Variants in EXOC6B observed in about 807,000 individuals in gnomAD.
EXOC6B encodes the protein exocyst complex component 6B.
EXOC6B carries 54 observed loss-of-function variants against 113.5 expected under a neutral mutation model. That is an observed-to-expected ratio of 0.48 (90% CI 0.38 to 0.60). The LOEUF (loss-of-function observed/expected upper bound fraction) is 0.60, where lower values mean the gene tolerates loss of function less well. Ranked by LOEUF, EXOC6B falls within the 20% of genes least tolerant of loss-of-function variation. The probability of loss-of-function intolerance (pLI) is 0.00; values close to 1 mark genes in which losing one functional copy is unlikely to be tolerated. For missense variants in EXOC6B, 797 were observed against 977.5 expected (o/e 0.82, Z 2.46); for synonymous variants, 357 against 339.0 (o/e 1.05, Z -0.58).
intron 5 of EXOC6B, among the ~76,000 whole-genome samples, chr2:72,729,521 T>C (rs999117118): frequency 1.3e-4 from 20 of 151,910 alleles, no homozygotes; most frequent in African/African-American, 4.6e-4. Flanking sequence ...AGCTATCATG[T>C]GAGCCAATTC....
At chr2:72,631,424 G>GTATATATA (rs1672394123) in intron 6 of EXOC6B, among the ~76,000 whole-genome samples, 1 of 22,382 alleles carries the variant, frequency 4.5e-5, no homozygotes, top group South Asian at 1.7e-3. Flanking sequence ...GTGTGTGTGT[G>GTATATATA]TGTATATATA....
intron 8 of EXOC6B, among the ~76,000 whole-genome samples, chr2:72,555,656 C>T (rs921483016): frequency 6.6e-5 from 10 of 152,024 alleles, no homozygotes; most frequent in Non-Finnish European, 1.2e-4. Context: ...ACACAACTTT[C>T]AAGGGACAGA....
intron 18 of EXOC6B, among the ~76,000 whole-genome samples, chr2:72,412,957 T>C (rs548341699): frequency 6.6e-6 from 1 of 150,800 alleles, no homozygotes; most frequent in East Asian, 2.0e-4. Context: ...TCTCCCTCTC[T>C]CTTTCTTTCT....
intron 2 of EXOC6B, among the ~76,000 whole-genome samples, chr2:72,737,327 G>C (rs1259976463): frequency 6.6e-6 from 1 of 151,646 alleles, no homozygotes; most frequent in Non-Finnish European, 1.5e-5. Flanking sequence ...CTGGGCAACA[G>C]AGTGAGACTC....
At position 72,604,732 on chromosome 2, in the gene EXOC6B, T is replaced by C. The variant is rs191116418; in HGVS notation, c.670-29064A>G. On this transcript the variant is annotated intron_variant, in intron 6 of 21. Coordinates refer to ENST00000272427, the MANE Select transcript of EXOC6B (RefSeq NM_015189.3). ...TAAAATAATTTATTTCTGAGTCTGGTCCATACTATGATAGAGTTAGAGAAA... is the reference window on the plus strand; with the variant it reads ...TAAAATAATTTATTTCTGAGTCTGGCCCATACTATGATAGAGTTAGAGAAA... Among the ~76,000 whole-genome samples, 609 of 152,272 alleles carry C rather than the reference T, an allele frequency of 4.0e-3. 2 individuals carry two copies. Among genetic ancestry groups the C allele is most frequent in the African/African-American group, 0.014 (577 of 41,540 alleles).
chr2:72,293,513 T>C (rs538678691), intron 20 of EXOC6B, among the ~76,000 whole-genome samples: 2 of 152,278 alleles, frequency 1.3e-5, no homozygotes, highest in African/African-American at 4.8e-5. Flanking sequence ...AAAAATGAGA[T>C]AATTCCTAAG....
intron 1 of EXOC6B, among the ~76,000 whole-genome samples, chr2:72,794,786 T>C (rs1313796418): frequency 6.6e-6 from 1 of 151,660 alleles, no homozygotes; most frequent in Non-Finnish European, 1.5e-5. Context: ...GAAATAGAAG[T>C]AGGAAAGAAA....
intron 8 of EXOC6B, among the ~76,000 whole-genome samples, chr2:72,533,122 C>A (rs1158691834): frequency 1.3e-5 from 2 of 152,104 alleles, no homozygotes; most frequent in African/African-American, 4.8e-5. Flanking sequence ...TGGGAGGACC[C>A]AAATGCAGCC....
At chr2:72,785,483 G>A (rs1300812565) in intron 1 of EXOC6B, among the ~76,000 whole-genome samples, 8 of 152,256 alleles carry the variant, frequency 5.3e-5, no homozygotes, top group East Asian at 1.9e-4. Context: ...GCATCCAGGC[G>A]TTTCCACACA....
intron 15 of EXOC6B, 58 bp from the exon 16 acceptor site, chr2:72,492,487 A>G: frequency 9.9e-7 from 1 of 1,008,738 alleles, no homozygotes; most frequent in East Asian, 2.4e-5. Context: ...TTCGGCAAAC[A>G]AACGGTGCCA....
rs201934111 is a variant in EXOC6B, at chr2:72,660,819, C to CTTTT, written c.669+57280_669+57283dup. ...ATTACACAATTGGCACTAAGTTTAC[C>CTTTT]TTTTTTTTTTTTTTCCTTCTGGTAT... is the stretch of plus-strand genomic sequence containing the variant. On this transcript the variant is annotated intron_variant, in intron 6 of 21. Coordinates refer to ENST00000272427, the MANE Select transcript of EXOC6B (RefSeq NM_015189.3). 1.6e-3 allele frequency among the ~76,000 whole-genome samples: 234 copies of CTTTT among 144,070 alleles called. 1 individual carries two copies. The highest frequency in any genetic ancestry group is 2.7e-3 in the South Asian group (12 of 4,502). 94.5% of individuals were successfully genotyped at this position (144,070 alleles called of 152,430 possible).
intron 11 of EXOC6B, among the ~76,000 whole-genome samples, chr2:72,512,545 T>G (rs1441922644): frequency 6.6e-6 from 1 of 152,036 alleles, no homozygotes; most frequent in Non-Finnish European, 1.5e-5. Flanking sequence ...CAATAGATCA[T>G]GGGAACAGAA....
chr2:72,686,590 A>G (rs1234981863), intron 6 of EXOC6B, among the ~76,000 whole-genome samples: 1 of 152,212 alleles, frequency 6.6e-6, no homozygotes, highest in Non-Finnish European at 1.5e-5. Context: ...AGGCTTCTGT[A>G]TAACCATAAG....
rs568789367 is a variant in EXOC6B at position 72,448,709 on chromosome 2, C to T, written c.1980+16451G>A. Among the ~76,000 whole-genome samples, 4 of 152,116 alleles carry T rather than the reference C, an allele frequency of 2.6e-5. No homozygotes were observed. In the South Asian group the frequency reaches 8.3e-4, roughly 32 times the overall value. On this transcript the variant is annotated intron_variant, in intron 18 of 21. Transcript: ENST00000272427. ...AAAAAAAAACTCCCTTGGTTTGGAG[C>T]ATCTGGTTAAATCAATAATATCTTC...
At chr2:72,324,190 C>T (rs1412140024) in intron 20 of EXOC6B, among the ~76,000 whole-genome samples, 1 of 152,034 alleles carries the variant, frequency 6.6e-6, no homozygotes, top group Non-Finnish European at 1.5e-5. Context: ...ATAAACAGTA[C>T]TTCTTAATAG....
chr2:72,675,432 C>T (rs1558907536), intron 6 of EXOC6B, among the ~76,000 whole-genome samples: 1 of 152,182 alleles, frequency 6.6e-6, no homozygotes, highest in Non-Finnish European at 1.5e-5. Context: ...ATCTTTACAG[C>T]TCATAAGATC....
chr2:72,338,514 T>A (rs181110428), intron 19 of EXOC6B, among the ~76,000 whole-genome samples: 124 of 152,280 alleles, frequency 8.1e-4, no homozygotes, highest in African/African-American at 2.9e-3. Flanking sequence ...AGGAAATTGA[T>A]ATTAAGTATT....
At chr2:72,691,083 A>T (rs773745394) in intron 6 of EXOC6B, among the ~76,000 whole-genome samples, 2 of 152,020 alleles carry the variant, frequency 1.3e-5, no homozygotes, top group Non-Finnish European at 2.9e-5. Context: ...ACATAGCAAG[A>T]CTCCATCTCT....
At chr2:72,527,053 G>A (rs1304710292) in intron 8 of EXOC6B, among the ~76,000 whole-genome samples, 3 of 151,844 alleles carry the variant, frequency 2.0e-5, no homozygotes, top group Admixed American at 6.6e-5. Context: ...TAGCCATATC[G>A]ACTGCTCTCC....
Sources: allele counts gnomAD v4.1 joint callset (sites outside exome capture counted in the v4.1 genomes callset), GRCh38; gene constraint gnomAD v4.1.1; transcripts MANE v1.5; gene names NCBI Gene and HGNC (gene_info 2026-07-23, HGNC 2026-07-21).